Variants in GRB10 observed in about 807,000 individuals in gnomAD.
GRB10 encodes growth factor receptor bound protein 10, also known as growth factor receptor-bound protein 10.
A neutral mutation model predicts 80.9 loss-of-function variants in GRB10; 20 were observed. That is an observed-to-expected ratio of 0.25 (90% CI 0.17 to 0.36). The LOEUF is 0.36. Among genes scored for constraint, GRB10 ranks in the 10% least tolerant of loss-of-function variants. The pLI is 1.00. For synonymous variants in GRB10, 291 were observed against 291.5 expected (o/e 1.00, Z 0.02); for missense variants, 548 against 747.7 (o/e 0.73, Z 3.12).
intron 7 of GRB10, among the ~76,000 whole-genome samples, chr7:50,648,252 G>A (rs984814434): frequency 2.0e-5 from 3 of 152,098 alleles, no homozygotes; most frequent in Non-Finnish European, 4.4e-5. Context: ...CTGTGGAAAG[G>A]AGAGCAGCGA....
chr7:50,791,070 G>C (rs1010087956), intron 1 of GRB10, among the ~76,000 whole-genome samples: 1 of 152,136 alleles, frequency 6.6e-6, no homozygotes, highest in Non-Finnish European at 1.5e-5. Context: ...CCAGTTCTGG[G>C]TTCCTGATCC....
intron 4 of GRB10, chr7:50,710,922 T>TC (rs2065799552): frequency 6.2e-7 from 1 of 1,612,140 alleles, no homozygotes; most frequent in African/African-American, 1.3e-5. Context: ...GGTCTCTCTC[T>TC]CCCTCTCTCT....
chr7:50,668,811 G>C (rs2060072218), intron 7 of GRB10, among the ~76,000 whole-genome samples: 1 of 152,192 alleles, frequency 6.6e-6, no homozygotes, highest in African/African-American at 2.4e-5. Flanking sequence ...CAGTTTCTCT[G>C]CTAAGCTGAC....
intron 5 of GRB10, 79 bp from the exon 6 acceptor site, chr7:50,674,737 C>G: frequency 8.1e-7 from 1 of 1,229,318 alleles, no homozygotes; most frequent in Non-Finnish European, 1.2e-6. Flanking sequence ...TCTTGGTGAT[C>G]AGGTTCCAAA....
chr7:50,789,092 G>C (rs555812561), intron 1 of GRB10, among the ~76,000 whole-genome samples: 1 of 152,326 alleles, frequency 6.6e-6, no homozygotes, highest in African/African-American at 2.4e-5. Context: ...TTCTACCTGT[G>C]AGGAGTTCAA....
Position 50,592,819 on chromosome 7 carries a change from C to T in GRB10, c.*133G>A. On this transcript the variant is annotated 3_prime_UTR_variant, in exon 19 of 19. Coordinates refer to ENST00000401949, the MANE Select transcript of GRB10 (RefSeq NM_001350814.2). ...CAACAAACTAGTCAATCTTGGTCGG[C>T]TGGCACCGAACAAACCCATCTCGCT... The T allele has an allele frequency of 9.6e-7, 1 of 1,037,280 alleles. No individual in the cohort carries two copies. The highest frequency in any genetic ancestry group is 1.5e-6 in the Non-Finnish European group (1 of 672,174). 64.3% of individuals were successfully genotyped at this position (1,037,280 alleles called of 1,614,324 possible). A position where few individuals can be genotyped will look rare whatever the true frequency, so the allele number is the denominator to read the frequency against.
intron 5 of GRB10, among the ~76,000 whole-genome samples, chr7:50,690,295 T>TCAAA (rs753269301): frequency 0.063 from 6,343 of 101,056 alleles, 466 homozygotes; most frequent in African/African-American, 0.2. Flanking sequence ...AAACTCTGTC[T>TCAAA]CAAACAAACA....
chr7:50,634,140 G>T (rs140961730), intron 7 of GRB10, among the ~76,000 whole-genome samples: 2 of 152,206 alleles, frequency 1.3e-5, no homozygotes, highest in African/African-American at 4.8e-5. Flanking sequence ...CAGTTAGATA[G>T]AAGTGTCAAA....
At chr7:50,676,338 G>T (rs868193204) in intron 5 of GRB10, among the ~76,000 whole-genome samples, 864 of 55,940 alleles carry the variant, frequency 0.015, 23 homozygotes, top group Non-Finnish European at 0.022. Flanking sequence ...ACCCCACCGG[G>T]GGGGGGGGGG....
Position 50,614,811 on chromosome 7 carries a change from T to G in GRB10, c.1054A>C (p.Lys352Gln), listed in dbSNP as rs770114935. ...TGGTCTGTAGGGGCGTTGTACTGCT[T>G]CCTGCCAGCGATCAGGGAGAAGATG... ...SNIFSLIAGR[K>Q]QYNAPTDHGL... is the part of the protein sequence containing the mutation. Residue 352 changes from lysine to glutamine, a missense_variant, in exon 12 of 19, where the codon AAG becomes CAG. By Grantham distance (53) the Lys-to-Gln change is moderately conservative. Around this residue, in one of 4 missense-constraint regions of GRB10, gnomAD observed 270 missense variants for 433.6 expected, o/e 0.62. Coordinates refer to ENST00000401949, the MANE Select transcript of GRB10 (RefSeq NM_001350814.2). 1 of 1,614,012 alleles carries G rather than the reference T, an allele frequency of 6.2e-7. No homozygotes were observed. Among genetic ancestry groups the G allele is most frequent in the Non-Finnish European group, 8.5e-7 (1 of 1,179,968 alleles).
chr7:50,652,605 C>T (rs977791327), intron 7 of GRB10, among the ~76,000 whole-genome samples: 4 of 152,230 alleles, frequency 2.6e-5, no homozygotes, highest in African/African-American at 9.6e-5. Context: ...AGGTATGTGT[C>T]CAGAGACCAG....
chr7:50,661,241 A>T (rs2059240083), intron 7 of GRB10, among the ~76,000 whole-genome samples: 1 of 152,232 alleles, frequency 6.6e-6, no homozygotes, highest in Non-Finnish European at 1.5e-5. Flanking sequence ...AGGAGACCTA[A>T]TTTTGATCAT....
At chr7:50,716,201 T>C (rs976950916) in intron 4 of GRB10, among the ~76,000 whole-genome samples, 2 of 152,188 alleles carry the variant, frequency 1.3e-5, no homozygotes, top group Admixed American at 6.5e-5. Flanking sequence ...AAAACTTCCT[T>C]ACGCATGGGA....
chr7:50,758,566 A>G (rs944406291), intron 2 of GRB10, among the ~76,000 whole-genome samples: 2 of 152,256 alleles, frequency 1.3e-5, no homozygotes, highest in African/African-American at 4.8e-5. Flanking sequence ...GAGTAATAAC[A>G]GTGACTATTT....
At chr7:50,595,131 A>G (rs1009278577) in intron 18 of GRB10, among the ~76,000 whole-genome samples, 2 of 151,434 alleles carry the variant, frequency 1.3e-5, no homozygotes, top group African/African-American at 4.9e-5. Flanking sequence ...CCCTCAGCTA[A>G]TTCTCCTCCA....
At chr7:50,603,927 T>G in intron 17 of GRB10, 71 bp downstream of exon 17, 2 of 1,227,676 alleles carry the variant, frequency 1.6e-6, no homozygotes, top group Non-Finnish European at 2.4e-6. Flanking sequence ...GTCTGAGGAA[T>G]TAAACAGAAC....
chr7:50,646,261 C>T (rs1049651953), intron 7 of GRB10, among the ~76,000 whole-genome samples: 1 of 152,198 alleles, frequency 6.6e-6, no homozygotes, highest in Non-Finnish European at 1.5e-5. Context: ...CACGGGGGCC[C>T]TTGTTTCCGG....
At chr7:50,725,374 A>G (rs898175301) in intron 4 of GRB10, among the ~76,000 whole-genome samples, 1 of 152,170 alleles carries the variant, frequency 6.6e-6, no homozygotes, top group African/African-American at 2.4e-5. Flanking sequence ...CTTCCTGTAC[A>G]GGCTGCGGAA....
chr7:50,739,659 G>T lies in GRB10; in HGVS notation c.-46-7291C>A, dbSNP rs144305921. ...ACCTACTAACTTGATTTCAAGACCCGGTAACAGGTTGAAACCTACAGTTTG... is the reference window on the plus strand; with the variant it reads ...ACCTACTAACTTGATTTCAAGACCCTGTAACAGGTTGAAACCTACAGTTTG... On this transcript the variant is annotated intron_variant, in intron 3 of 18. Transcript: ENST00000401949. Among the ~76,000 whole-genome samples the T allele has an allele frequency of 1.2e-4, 18 of 152,254 alleles. No individual in the cohort carries two copies. The East Asian group carries it at 3.5e-3, about 29-fold the overall frequency.
Sources: allele counts gnomAD v4.1 joint callset (sites outside exome capture counted in the v4.1 genomes callset), GRCh38; gene constraint gnomAD v4.1.1; regional missense constraint gnomAD v4.1.1; transcripts MANE v1.5; gene names NCBI Gene and HGNC (gene_info 2026-07-23, HGNC 2026-07-21).